The following PARVG variants were observed in gnomAD, a reference collection of about 807,000 sequenced individuals.
PARVG encodes gamma-parvin.
In PARVG, 36 loss-of-function variants were observed where a neutral mutation model predicts 44.4. The observed-to-expected ratio is 0.81, with a 90% CI of 0.62 to 1.07. The LOEUF (loss-of-function observed/expected upper bound fraction) is 1.07, where lower values mean the gene tolerates loss of function less well. PARVG is among the 50% of genes least tolerant of loss of function. The pLI is 0.00. For missense variants in PARVG, 407 were observed against 407.4 expected (o/e 1.00, Z 0.01); for synonymous variants, 170 against 174.1 (o/e 0.98, Z 0.19).
At chr22:44,192,771 G>A (rs926803019) in intron 8 of PARVG, among the ~76,000 whole-genome samples, 3 of 151,958 alleles carry the variant, frequency 2.0e-5, no homozygotes, top group African/African-American at 4.8e-5. Flanking sequence ...ACTGGGGCTG[G>A]CCATACTGTT....
Position 44,206,584 on chromosome 22 carries a change from C to T in PARVG, c.*158C>T, listed in dbSNP as rs943797037. On this transcript the variant is annotated 3_prime_UTR_variant, in exon 14 of 14. Coordinates refer to ENST00000444313, the MANE Select transcript of PARVG (RefSeq NM_022141.7). The stretch of plus-strand genomic sequence containing the variant: ...CTCCATCGTTGGATTATCTTTGAAC[C>T]CCCTTGTGTGGATCATTTTGAGCCG... 3 of 660,180 alleles carry T rather than the reference C, an allele frequency of 4.5e-6. No individual in the cohort carries two copies. The highest frequency in any genetic ancestry group is 3.7e-5 in the African/African-American group (2 of 54,524). 40.9% of individuals were successfully genotyped at this position (660,180 alleles called of 1,614,324 possible).
At chr22:44,198,388 C>T (rs1487394433) in intron 11 of PARVG, among the ~76,000 whole-genome samples, 1 of 152,064 alleles carries the variant, frequency 6.6e-6, no homozygotes, top group African/African-American at 2.4e-5. Context: ...GGCTTTTCTG[C>T]AGTAAGTTTA....
chr22:44,184,587 C>T (rs1237862207), intron 3 of PARVG: 1 of 152,256 alleles, frequency 6.6e-6, no homozygotes, highest in East Asian at 1.9e-4. Flanking sequence ...GATCCACCCG[C>T]CTCGGCCTCC....
At chr22:44,175,213 G>C (rs886812117) in intron 1 of PARVG, among the ~76,000 whole-genome samples, 1 of 152,218 alleles carries the variant, frequency 6.6e-6, no homozygotes, top group Non-Finnish European at 1.5e-5. Context: ...CAATTCAGCC[G>C]TCACCTCCCC....
At chr22:44,204,806 CACAGTGA>C (rs2054757830) in intron 12 of PARVG, among the ~76,000 whole-genome samples, 1 of 152,238 alleles carries the variant, frequency 6.6e-6, no homozygotes, top group Non-Finnish European at 1.5e-5. Flanking sequence ...TGTTTGAGGT[CACAGTGA>C]ACCAGGAGTT....
intron 7 of PARVG, 35 bp from the exon 8 acceptor site, chr22:44,192,014 G>A: frequency 1.2e-6 from 2 of 1,611,396 alleles, no homozygotes; most frequent in Middle Eastern, 1.7e-4. Flanking sequence ...GAGTTTTCTG[G>A]ATTATTTAAT....
chr22:44,188,991 G>A, intron 5 of PARVG, 123 bp from the exon 6 acceptor site: 1 of 1,344,008 alleles, frequency 7.4e-7, no homozygotes, highest in East Asian at 2.3e-5. Flanking sequence ...CCAACACCAA[G>A]AATGGGCTCT....
At chr22:44,176,016 C>T (rs145011351), upstream of PARVG, among the ~76,000 whole-genome samples, 87 of 152,182 alleles carry the variant, frequency 5.7e-4, no homozygotes, top group Non-Finnish European at 1.0e-3. Context: ...GGTGTGTTTT[C>T]GAAACATCCA....
intron 7 of PARVG, among the ~76,000 whole-genome samples, chr22:44,191,012 G>A (rs1012536108): frequency 2.6e-5 from 4 of 152,302 alleles, no homozygotes; most frequent in African/African-American, 7.2e-5. Flanking sequence ...TCATTGCCAC[G>A]GGGAGCCTTC....
chr22:44,175,946 A>G (rs139109), upstream of PARVG, among the ~76,000 whole-genome samples: 100,188 of 151,638 alleles, frequency 0.66, 33,975 homozygotes, highest in African/African-American at 0.8. Flanking sequence ...ACATGGTCAC[A>G]CCGGACAGCT....
rs192204913 is a variant in PARVG, at chr22:44,182,162, G to A, written c.-13+245G>A. Among the ~76,000 whole-genome samples the A allele has an allele frequency of 3.8e-3, 579 of 152,316 alleles. 4 individuals are homozygous for A. The highest frequency in any genetic ancestry group is 0.013 in the African/African-American group (556 of 41,578). The stretch of plus-strand genomic sequence containing the variant: ...CCTCTGAACTTCAGCCAACCCCTCC[G>A]TCTCCAGGTGAAGAAACTGAGGCCC... On this transcript the variant is annotated intron_variant, in intron 2 of 13. Transcript: ENST00000444313. The surrounding 1 kb of genome is among the most constrained non-coding windows in gnomAD (Gnocchi z 4.6).
At chr22:44,200,490 C>G (rs536817378) in intron 12 of PARVG, among the ~76,000 whole-genome samples, 7 of 152,202 alleles carry the variant, frequency 4.6e-5, no homozygotes, top group Non-Finnish European at 8.8e-5. Context: ...CCCAGGCTTG[C>G]CTCTCACAGG....
chr22:44,188,973 C>A, intron 5 of PARVG, 141 bp from the exon 6 acceptor site: 1 of 1,100,260 alleles, frequency 9.1e-7, no homozygotes, highest in East Asian at 2.4e-5. Context: ...GTGAGTGTGG[C>A]CCACGGTCCA....
Position 44,189,271 on chromosome 22 carries a change from C to G in PARVG, c.388+17C>G. The G allele has an allele frequency of 1.2e-6, 2 of 1,613,208 alleles. No individual in the cohort carries two copies. The highest frequency in any genetic ancestry group is 1.7e-6 in the Non-Finnish European group (2 of 1,179,640). The stretch of plus-strand genomic sequence containing the variant: ...GCGTGGAGAGTACGTGGGCCACAAC[C>G]TGGCTACCCCTGGGGAGTGTGGGGC... On this transcript the variant is annotated intron_variant, in intron 6 of 13. Coordinates refer to ENST00000444313, the MANE Select transcript of PARVG (RefSeq NM_022141.7).
chr22:44,188,207 C>T (rs1291526902), intron 5 of PARVG: 2 of 345,292 alleles, frequency 5.8e-6, no homozygotes, highest in Admixed American at 3.9e-5. Context: ...GATCCCTGCC[C>T]TCGGGCTGCC....
intron 2 of PARVG, chr22:44,183,031 G>A (rs766584629): frequency 3.0e-4 from 126 of 417,482 alleles, no homozygotes; most frequent in Non-Finnish European, 4.0e-4. Flanking sequence ...CACGGTGGGC[G>A]GCCGCTCTGC....
intron 12 of PARVG, among the ~76,000 whole-genome samples, chr22:44,204,733 C>T (rs1018328992): frequency 1.1e-4 from 17 of 152,234 alleles, no homozygotes; most frequent in African/African-American, 3.1e-4. Context: ...AGCTGACCCC[C>T]GGGCTGGGAT....
chr22:44,206,309 GC>G lies in PARVG; in HGVS notation c.887-5del. 2 of 1,609,746 alleles carry G rather than the reference GC, an allele frequency of 1.2e-6. No individual in the cohort carries two copies. Among genetic ancestry groups the G allele is most frequent in the Non-Finnish European group, 1.7e-6 (2 of 1,176,534 alleles). ...TGACTGGCTGCCCTGCCCTCCTTTG[GC>G]CCGCAGATATCGTGAACAAGGATGC... On this transcript the variant is annotated splice_polypyrimidine_tract_variant and splice_region_variant and intron_variant, in intron 13 of 13. Transcript: ENST00000444313.
At position 44,181,792 on chromosome 22, in the gene PARVG, G is replaced by A. The variant is rs762238995; in HGVS notation, c.-138G>A. On this transcript the variant is annotated 5_prime_UTR_variant, in exon 2 of 14. Coordinates refer to ENST00000444313, the MANE Select transcript of PARVG (RefSeq NM_022141.7). ...GCGGGCCTGGAGGAAGTGAGCAGCG[G>A]GGCTCCTGCCTCCCGGCCTGGTCCC... 2 of 985,464 alleles carry A rather than the reference G, an allele frequency of 2.0e-6. No homozygotes were observed. Among genetic ancestry groups the A allele is most frequent in the Non-Finnish European group, 2.4e-6 (2 of 829,954 alleles). 61.0% of individuals were successfully genotyped at this position (985,464 alleles called of 1,614,324 possible).
Sources: allele counts gnomAD v4.1 joint callset (sites outside exome capture counted in the v4.1 genomes callset), GRCh38; gene constraint gnomAD v4.1.1; non-coding constraint Gnocchi (gnomAD v3.1); transcripts MANE v1.5; gene names NCBI Gene and HGNC (gene_info 2026-07-23, HGNC 2026-07-21).